Variants in MACROD2 observed in about 807,000 individuals in gnomAD.
MACROD2 encodes the protein ADP-ribose glycohydrolase MACROD2.
MACROD2 carries 36 observed loss-of-function variants against 70.4 expected under a neutral mutation model. The observed-to-expected ratio is 0.51, with a 90% CI of 0.39 to 0.68. The LOEUF is 0.68. Ranked by LOEUF, MACROD2 falls within the 30% of genes least tolerant of loss-of-function variation. The pLI is 0.00. For missense variants in MACROD2, 496 were observed against 538.4 expected (o/e 0.92, Z 0.78); for synonymous variants, 172 against 178.8 (o/e 0.96, Z 0.30).
intron 8 of MACROD2, among the ~76,000 whole-genome samples, chr20:15,545,588 C>T (rs966621319): frequency 3.9e-5 from 6 of 152,124 alleles, no homozygotes; most frequent in African/African-American, 1.4e-4. Flanking sequence ...TTTGTCTTCT[C>T]TTTGGCCATA....
intron 3 of MACROD2, among the ~76,000 whole-genome samples, chr20:14,312,852 TGG>T (rs1214176121): frequency 6.6e-6 from 1 of 152,214 alleles, no homozygotes; most frequent in Non-Finnish European, 1.5e-5. Flanking sequence ...GGTTTGAAAT[TGG>T]GGTAGCTCAA....
At chr20:15,361,080 AT>A (rs574958247) in intron 6 of MACROD2, among the ~76,000 whole-genome samples, 7 of 151,936 alleles carry the variant, frequency 4.6e-5, no homozygotes, top group African/African-American at 9.7e-5. Flanking sequence ...TAATTTATAG[AT>A]TTTTTTCTTT....
chr20:15,569,302 T>G lies in MACROD2; in HGVS notation c.645+69455T>G, dbSNP rs2048347128. ...TAATTGACAGATAAAATTGTATATA[T>G]TTATCATGTGTAACAGGATGTTTTG... is the stretch of plus-strand genomic sequence containing the variant. On this transcript the variant is annotated intron_variant, in intron 8 of 17. Coordinates refer to ENST00000684519, the MANE Select transcript of MACROD2 (RefSeq NM_001351661.2). Among the ~76,000 whole-genome samples the G allele has an allele frequency of 3.3e-5, 5 of 152,220 alleles. No individual in the cohort carries two copies. The South Asian group carries it at 1.0e-3, about 31-fold the overall frequency.
intron 3 of MACROD2, among the ~76,000 whole-genome samples, chr20:14,470,204 G>C (rs2084511089): frequency 6.6e-6 from 1 of 152,052 alleles, no homozygotes; most frequent in African/African-American, 2.4e-5. Flanking sequence ...CGTCTGCTGG[G>C]GTTTGCTGGA....
At chr20:15,277,120 A>G (rs1294918692) in intron 6 of MACROD2, among the ~76,000 whole-genome samples, 1 of 152,184 alleles carries the variant, frequency 6.6e-6, no homozygotes, top group Non-Finnish European at 1.5e-5. Flanking sequence ...ATTTTCAACC[A>G]GTTAGATTTG....
intron 5 of MACROD2, among the ~76,000 whole-genome samples, chr20:15,123,139 G>T (rs2076042640): frequency 6.6e-6 from 1 of 152,136 alleles, no homozygotes; most frequent in Non-Finnish European, 1.5e-5. Flanking sequence ...AGACCAAAGA[G>T]ACTTGAAATG....
chr20:14,174,038 T>G (rs911409092), intron 3 of MACROD2, among the ~76,000 whole-genome samples: 7 of 152,190 alleles, frequency 4.6e-5, no homozygotes, highest in African/African-American at 1.4e-4. Context: ...GGGATTGAAG[T>G]GGACTCTGTG....
intron 8 of MACROD2, among the ~76,000 whole-genome samples, chr20:15,627,116 A>G (rs530557954): frequency 4.6e-5 from 7 of 151,768 alleles, no homozygotes; most frequent in Admixed American, 2.0e-4. Context: ...GGCATTTGGG[A>G]CAGTTACAAG....
chr20:15,692,436 G>C (rs1325655200), intron 8 of MACROD2, among the ~76,000 whole-genome samples: 1 of 152,108 alleles, frequency 6.6e-6, no homozygotes, highest in Non-Finnish European at 1.5e-5. Context: ...TTCCAGGGTT[G>C]AGGGGGAAAA....
chr20:15,627,070 G>A (rs1568937607), intron 8 of MACROD2, among the ~76,000 whole-genome samples: 1 of 152,098 alleles, frequency 6.6e-6, no homozygotes, highest in Non-Finnish European at 1.5e-5. Context: ...GCTCTTTGGG[G>A]TAAATAGGAT....
chr20:14,504,180 A>G (rs574568130), intron 4 of MACROD2, among the ~76,000 whole-genome samples: 1 of 152,350 alleles, frequency 6.6e-6, no homozygotes, highest in East Asian at 1.9e-4. Context: ...ATAGGCACCT[A>G]CCAACTAGCT....
At chr20:15,582,029 C>T (rs1042655573) in intron 8 of MACROD2, among the ~76,000 whole-genome samples, 5 of 151,672 alleles carry the variant, frequency 3.3e-5, no homozygotes, top group South Asian at 2.1e-4. Flanking sequence ...GGCTGAGGCA[C>T]GAGAATCCCT....
chr20:15,780,461 C>T (rs776008014), intron 8 of MACROD2, among the ~76,000 whole-genome samples: 8 of 151,998 alleles, frequency 5.3e-5, no homozygotes, highest in South Asian at 2.1e-4. Context: ...GAGTGGGGAA[C>T]GGGAAGAGGC....
At chr20:14,055,848 A>T (rs968115255) in intron 2 of MACROD2, among the ~76,000 whole-genome samples, 2 of 151,928 alleles carry the variant, frequency 1.3e-5, no homozygotes, top group Non-Finnish European at 2.9e-5. Flanking sequence ...GAGGTCAGGT[A>T]TCATGTTTGG....
At chr20:14,417,926 A>C (rs2083829653) in intron 3 of MACROD2, among the ~76,000 whole-genome samples, 1 of 152,242 alleles carries the variant, frequency 6.6e-6, no homozygotes, top group Non-Finnish European at 1.5e-5. Flanking sequence ...TGGATTTTAG[A>C]AATTATAATA....
chr20:15,663,720 A>AG (rs1476888406), intron 8 of MACROD2, among the ~76,000 whole-genome samples: 1 of 152,198 alleles, frequency 6.6e-6, no homozygotes, highest in Non-Finnish European at 1.5e-5. Flanking sequence ...TGCTAAACAA[A>AG]GGCATATCTT....
At chr20:15,812,013 A>G (rs541323380) in intron 8 of MACROD2, among the ~76,000 whole-genome samples, 1 of 152,326 alleles carries the variant, frequency 6.6e-6, no homozygotes, top group South Asian at 2.1e-4. Context: ...CCAGTTCATA[A>G]GAGGCAACTG....
intron 4 of MACROD2, among the ~76,000 whole-genome samples, chr20:14,643,700 A>G (rs1985218767): frequency 6.6e-6 from 1 of 152,214 alleles, no homozygotes; most frequent in Admixed American, 6.6e-5. Flanking sequence ...CATGTTAGAT[A>G]GTCATGTGGT....
intron 3 of MACROD2, among the ~76,000 whole-genome samples, chr20:14,122,809 A>G (rs1046472333): frequency 2.6e-5 from 4 of 152,096 alleles, no homozygotes; most frequent in Non-Finnish European, 5.9e-5. Context: ...TGACTTTCCT[A>G]TCTTAGACTC....
Sources: allele counts gnomAD v4.1 joint callset (sites outside exome capture counted in the v4.1 genomes callset), GRCh38; gene constraint gnomAD v4.1.1; transcripts MANE v1.5; gene names NCBI Gene and HGNC (gene_info 2026-07-23, HGNC 2026-07-21).